VSIG10: variants seen among roughly 807,000 people sequenced by gnomAD.
VSIG10 encodes the protein V-set and immunoglobulin domain-containing protein 10.
Under a neutral mutation model 58.7 loss-of-function variants are expected in VSIG10, and 48 were observed. The observed-to-expected ratio is 0.82, with a 90% CI of 0.65 to 1.04. The LOEUF is 1.04. VSIG10 is among the 50% of genes least tolerant of loss of function. The pLI is 0.00. For synonymous variants in VSIG10, 260 were observed against 267.1 expected (o/e 0.97, Z 0.26); for missense variants, 628 against 670.0 (o/e 0.94, Z 0.69).
chr12:118,074,613 G>A (rs2032637793), intron 4 of VSIG10, among the ~76,000 whole-genome samples: 1 of 151,876 alleles, frequency 6.6e-6, no homozygotes, highest in Admixed American at 6.6e-5. Flanking sequence ...CAAGTGGCTG[G>A]GATTACAGGC....
At chr12:118,071,945 G>A (rs779107748) in intron 5 of VSIG10, among the ~76,000 whole-genome samples, 38 of 152,168 alleles carry the variant, frequency 2.5e-4, no homozygotes, top group Non-Finnish European at 4.3e-4. Flanking sequence ...TGAGGAGGGC[G>A]GATCACCTGA....
Position 118,065,234 on chromosome 12 carries a change from G to A in VSIG10, c.*1405C>T, listed in dbSNP as rs1203652590. The A allele has an allele frequency of 6.6e-6, 1 of 152,234 alleles. No individual in the cohort carries two copies. The highest frequency in any genetic ancestry group is 1.5e-5 in the Non-Finnish European group (1 of 68,042). 9.4% of individuals were successfully genotyped at this position (152,234 alleles called of 1,614,324 possible). A position where few individuals can be genotyped will look rare whatever the true frequency, so the allele number is the denominator to read the frequency against. ...ACTGAGAAAGAGTCCAGATGAGCTGGTTTGCCCAAGCAATTCTTATCACCA... is the reference window on the plus strand; with the variant it reads ...ACTGAGAAAGAGTCCAGATGAGCTGATTTGCCCAAGCAATTCTTATCACCA... On this transcript the variant is annotated 3_prime_UTR_variant, in exon 9 of 9. Transcript: ENST00000359236.
intron 1 of VSIG10, among the ~76,000 whole-genome samples, chr12:118,096,563 A>C (rs2033464426): frequency 7.0e-6 from 1 of 142,022 alleles, no homozygotes; most frequent in African/African-American, 2.7e-5. Flanking sequence ...GGGCAACAAG[A>C]GCGTAACTCC....
chr12:118,084,783 G>GC (rs1309928760), intron 2 of VSIG10, among the ~76,000 whole-genome samples: 8 of 152,180 alleles, frequency 5.3e-5, no homozygotes, highest in Non-Finnish European at 8.8e-5. Flanking sequence ...GGAGGCTGAA[G>GC]CAAGAGAATC....
intron 7 of VSIG10, among the ~76,000 whole-genome samples, 153 bp from the exon 8 acceptor site, chr12:118,068,750 G>A (rs543506138): frequency 4.6e-5 from 7 of 152,274 alleles, no homozygotes; most frequent in Middle Eastern, 3.4e-3. Context: ...TGTGGTAACC[G>A]CAGAGATGCT....
At chr12:118,076,759 A>G (rs2032744914) in intron 4 of VSIG10, among the ~76,000 whole-genome samples, 1 of 151,954 alleles carries the variant, frequency 6.6e-6, no homozygotes, top group Non-Finnish European at 1.5e-5. Context: ...AGGTACAAGC[A>G]ATACTCTCAC....
intron 7 of VSIG10, 106 bp from the exon 8 acceptor site, chr12:118,068,703 T>A: frequency 1.5e-6 from 2 of 1,347,766 alleles, no homozygotes; most frequent in Non-Finnish European, 2.0e-6. Context: ...ATTAGTAATA[T>A]GGAAAATTAC....
chr12:118,101,104 T>TCA, intron 1 of VSIG10, among the ~76,000 whole-genome samples: 1 of 152,210 alleles, frequency 6.6e-6, no homozygotes, highest in East Asian at 1.9e-4. Context: ...TGAAGACATT[T>TCA]CACTTCTCCT....
Position 118,075,071 on chromosome 12 carries a change from G to C in VSIG10, c.926-1079C>G, listed in dbSNP as rs144060498. On this transcript the variant is annotated intron_variant, in intron 4 of 8. Transcript: ENST00000359236. ...CCTTATCATAAGTATTTATGTATAA[G>C]AAAAAGCATAGTATATATATGTATA... Among the ~76,000 whole-genome samples, 1,227 of 149,816 alleles carry C rather than the reference G, an allele frequency of 8.2e-3. 13 individuals carry two copies. Among genetic ancestry groups the C allele is most frequent in the Middle Eastern group, 0.021 (6 of 282 alleles).
rs540194374 is a variant in VSIG10 at position 118,079,371 on chromosome 12, C to T, written c.900G>A (p.Ser300=). ...TGATCTGCACCATGCAGCTGGCGCC[C>T]GACTCTGGCCCAACTATGTGGCTTG... is the stretch of plus-strand genomic sequence containing the variant. ...CVTSHIVGPE[S]GASCMVQIRG... Residue 300 remains serine (S), a synonymous_variant, in exon 4 of 9, where the codon TCG becomes TCA. Coordinates refer to ENST00000359236, the MANE Select transcript of VSIG10 (RefSeq NM_019086.6). 1.7e-5 allele frequency: 27 copies of T among 1,613,962 alleles called. No homozygotes were observed. Among genetic ancestry groups the T allele is most frequent in the Admixed American group, 8.3e-5 (5 of 60,018 alleles).
chr12:118,092,696 G>A (rs1045363640), intron 2 of VSIG10, among the ~76,000 whole-genome samples: 4 of 146,900 alleles, frequency 2.7e-5, no homozygotes, highest in Admixed American at 6.9e-5. Flanking sequence ...ATGCAGTGGC[G>A]TGATCACAGT....
chr12:118,099,652 G>A (rs1479758907), intron 1 of VSIG10, among the ~76,000 whole-genome samples: 2 of 152,182 alleles, frequency 1.3e-5, no homozygotes, highest in African/African-American at 4.8e-5. Flanking sequence ...AGTGGTGATG[G>A]CTGTATAACC....
chr12:118,071,039 A>G lies in VSIG10; in HGVS notation c.1346+13T>C. 1 of 1,601,614 alleles carries G rather than the reference A, an allele frequency of 6.2e-7. No individual in the cohort carries two copies. The highest frequency in any genetic ancestry group is 8.5e-7 in the Non-Finnish European group (1 of 1,173,694). On this transcript the variant is annotated intron_variant, in intron 7 of 8. Transcript: ENST00000359236. ...GGGAATGGGTGTTTGGTTTGATTCT[A>G]GGGAACACTCACCTGGAAGTGTTTC...
At chr12:118,085,331 A>C (rs1408772747) in intron 2 of VSIG10, among the ~76,000 whole-genome samples, 1 of 152,008 alleles carries the variant, frequency 6.6e-6, no homozygotes, top group Non-Finnish European at 1.5e-5. Flanking sequence ...CATCCCCCAA[A>C]CCCAACTGAA....
At chr12:118,103,543 A>C (rs973296009) in intron 1 of VSIG10, 50 bp downstream of exon 1, 53 of 1,483,126 alleles carry the variant, frequency 3.6e-5, no homozygotes, top group Non-Finnish European at 4.6e-5. Flanking sequence ...TCCCCTCCCC[A>C]CCGCTGACTG....
chr12:118,071,241 C>T lies in VSIG10; in HGVS notation c.1330+118G>A, dbSNP rs982182615. The stretch of plus-strand genomic sequence containing the variant: ...TGACTTATTACTGTGTATCTTGACC[C>T]AGCAAAGAAGCCCAGAGAACAGAAC... On this transcript the variant is annotated intron_variant, in intron 6 of 8. Transcript: ENST00000359236. 184 of 1,233,876 alleles carry T rather than the reference C, an allele frequency of 1.5e-4. No homozygotes were observed. Among genetic ancestry groups the T allele is most frequent in the Middle Eastern group, 2.2e-4 (1 of 4,516 alleles). 76.4% of individuals were successfully genotyped at this position (1,233,876 alleles called of 1,614,324 possible).
At chr12:118,094,624 T>C (rs2033392309) in intron 2 of VSIG10, among the ~76,000 whole-genome samples, 1 of 152,084 alleles carries the variant, frequency 6.6e-6, no homozygotes, top group African/African-American at 2.4e-5. Flanking sequence ...CTTTGGGTGA[T>C]CTGCCCACTT....
At chr12:118,093,817 G>A (rs1175253245) in intron 2 of VSIG10, among the ~76,000 whole-genome samples, 1 of 152,084 alleles carries the variant, frequency 6.6e-6, no homozygotes, top group Non-Finnish European at 1.5e-5. Context: ...GCTGAGGCAG[G>A]AGAATCACTT....
At chr12:118,066,824 G>T in intron 8 of VSIG10, 130 bp from the exon 9 acceptor site, 1 of 995,524 alleles carries the variant, frequency 1.0e-6, no homozygotes, top group Non-Finnish European at 1.5e-6. Flanking sequence ...TCATGGAGAA[G>T]GTAGGGCAGC....
Sources: gnomAD v4.1 joint callset for allele counts (sites outside exome capture counted in the v4.1 genomes callset) on GRCh38, gnomAD v4.1.1 for gene constraint, MANE v1.5 for transcripts, NCBI Gene and HGNC (gene_info 2026-07-23, HGNC 2026-07-21) for gene names.